The following LDLRAD3 variants were observed in gnomAD, a reference collection of about 807,000 sequenced individuals.
LDLRAD3 encodes the protein low-density lipoprotein receptor class A domain-containing protein 3.
A neutral mutation model predicts 29.4 loss-of-function variants in LDLRAD3; 20 were observed. That is an observed-to-expected ratio of 0.68 (90% CI 0.48 to 0.99). LDLRAD3 has a LOEUF of 0.99. LDLRAD3 is among the 50% of genes least tolerant of loss of function. LDLRAD3 has a pLI of 0.00. For synonymous variants in LDLRAD3, 157 were observed against 192.7 expected (o/e 0.81, Z 1.53); for missense variants, 420 against 454.3 (o/e 0.92, Z 0.69).
At chr11:36,097,926 G>A (rs534564161) in intron 3 of LDLRAD3, among the ~76,000 whole-genome samples, 2 of 152,300 alleles carry the variant, frequency 1.3e-5, no homozygotes, top group East Asian at 1.9e-4. Flanking sequence ...GGAGCCAAAG[G>A]CATCCCTGTA....
intron 4 of LDLRAD3, among the ~76,000 whole-genome samples, chr11:36,163,829 A>T (rs1854478296): frequency 6.6e-6 from 1 of 152,216 alleles, no homozygotes; most frequent in East Asian, 1.9e-4. Flanking sequence ...TATATAATGG[A>T]AATATACATA....
intron 4 of LDLRAD3, among the ~76,000 whole-genome samples, chr11:36,157,395 A>T (rs1374023141): frequency 6.6e-6 from 1 of 152,240 alleles, no homozygotes; most frequent in East Asian, 1.9e-4. Context: ...GAGGGAGTTA[A>T]TTGAAGAGTT....
intron 4 of LDLRAD3, among the ~76,000 whole-genome samples, chr11:36,122,810 G>A (rs61480313): frequency 0.026 from 3,948 of 152,090 alleles, 176 homozygotes; most frequent in African/African-American, 0.088. Flanking sequence ...CTTAAGCCCA[G>A]GAGTTCAATA....
rs1467158438 is a variant in LDLRAD3 at position 36,036,147 on chromosome 11, A to G, written c.91A>G (p.Ile31Val). Reference sequence around the variant, plus strand: ...GAACAACTTCACCAATGAGTGCAACATACCAGGCAACTTCATGTGCAGCAA... The same window carrying G: ...GAACAACTTCACCAATGAGTGCAACGTACCAGGCAACTTCATGTGCAGCAA... ...PGNNFTNECN[I>V]PGNFMCSNGR... The change falls in exon 2 of 6, where the codon ATA becomes GTA. Residue 31 changes from isoleucine to valine, a missense_variant. Transcript: ENST00000315571. 3.7e-6 allele frequency: 6 copies of G among 1,614,184 alleles called. No individual in the cohort carries two copies. The South Asian group carries it at 5.5e-5, about 15-fold the overall frequency.
chr11:36,051,748 C>A (rs1852531399), intron 2 of LDLRAD3, among the ~76,000 whole-genome samples: 1 of 149,696 alleles, frequency 6.7e-6, no homozygotes, highest in African/African-American at 2.5e-5. Context: ...CATGGTGCTG[C>A]CAAACAAAAA....
chr11:36,172,727 G>C (rs1422648261), intron 4 of LDLRAD3, among the ~76,000 whole-genome samples: 2 of 152,118 alleles, frequency 1.3e-5, no homozygotes, highest in Admixed American at 6.5e-5. Flanking sequence ...GATTCAGTTA[G>C]CTATCATTTT....
At chr11:35,990,002 AGT>A (rs1851667425) in intron 1 of LDLRAD3, among the ~76,000 whole-genome samples, 1 of 152,088 alleles carries the variant, frequency 6.6e-6, no homozygotes, top group Non-Finnish European at 1.5e-5. Context: ...CCTCTTAGCT[AGT>A]AGTTTGGGCT....
intron 2 of LDLRAD3, among the ~76,000 whole-genome samples, chr11:36,043,304 C>T (rs1337897344): frequency 2.0e-5 from 3 of 152,136 alleles, no homozygotes; most frequent in Non-Finnish European, 2.9e-5. Context: ...AGAGTGAGAC[C>T]GTATCTCAAA....
At chr11:36,218,449 G>A (rs1011545777) in intron 4 of LDLRAD3, among the ~76,000 whole-genome samples, 3 of 152,220 alleles carry the variant, frequency 2.0e-5, no homozygotes, top group African/African-American at 7.2e-5. Context: ...TCAGACTTGT[G>A]GGAGTATTGC....
intron 1 of LDLRAD3, chr11:35,997,289 T>G: frequency 5.0e-6 from 2 of 398,538 alleles, no homozygotes; most frequent in East Asian, 6.8e-5. Flanking sequence ...CAGGATCTCT[T>G]TAGTGGTTTC....
chr11:36,182,159 GA>G (rs1299893708), intron 4 of LDLRAD3, among the ~76,000 whole-genome samples: 1 of 152,162 alleles, frequency 6.6e-6, no homozygotes, highest in Admixed American at 6.5e-5. Flanking sequence ...GAAGTGAGGA[GA>G]ATGAAGGTAA....
At chr11:36,180,806 G>A (rs1174632052) in intron 4 of LDLRAD3, among the ~76,000 whole-genome samples, 1 of 152,132 alleles carries the variant, frequency 6.6e-6, no homozygotes, top group African/African-American at 2.4e-5. Context: ...TGTGCCAATT[G>A]GTGTGGTAAG....
At position 36,036,375 on chromosome 11, in the gene LDLRAD3, C is replaced by A. The variant is rs1565176620; in HGVS notation, c.193+126C>A. 3.0e-6 allele frequency: 3 copies of A among 1,016,126 alleles called. No individual in the cohort carries two copies. The East Asian group carries it at 7.7e-5, about 26-fold the overall frequency. 62.9% of individuals were successfully genotyped at this position (1,016,126 alleles called of 1,614,324 possible). Reference sequence around the variant, plus strand: ...CAAGCTGGTGGTTTTGTGCCTCTTGCCAGCAGTCCTGCTTCTTTGCTGTAT... The same window carrying A: ...CAAGCTGGTGGTTTTGTGCCTCTTGACAGCAGTCCTGCTTCTTTGCTGTAT... On this transcript the variant is annotated intron_variant, in intron 2 of 5. Coordinates refer to ENST00000315571, the MANE Select transcript of LDLRAD3 (RefSeq NM_174902.4).
intron 1 of LDLRAD3, among the ~76,000 whole-genome samples, chr11:35,995,114 C>T (rs531118489): frequency 1.3e-5 from 2 of 152,284 alleles, no homozygotes; most frequent in East Asian, 3.9e-4. Context: ...TGAATCCTTT[C>T]CAGAAGGTTT....
At chr11:36,144,891 G>T (rs1854154752) in intron 4 of LDLRAD3, among the ~76,000 whole-genome samples, 1 of 110,892 alleles carries the variant, frequency 9.0e-6, no homozygotes, top group African/African-American at 3.2e-5. Context: ...CGCCCCGTCC[G>T]GGAGGTGAGG....
At chr11:36,112,777 G>A (rs1321775170) in intron 4 of LDLRAD3, among the ~76,000 whole-genome samples, 1 of 152,230 alleles carries the variant, frequency 6.6e-6, no homozygotes, top group African/African-American at 2.4e-5. Context: ...CTAGAGGCCA[G>A]CCCAAGAGGC....
intron 4 of LDLRAD3, among the ~76,000 whole-genome samples, chr11:36,128,937 A>C (rs7106469): frequency 0.79 from 120,190 of 151,888 alleles, 47,840 homozygotes; most frequent in East Asian, 0.99. Flanking sequence ...GTAGAGAGAC[A>C]CTGGCTGGGA....
At chr11:36,160,341 T>G (rs984682792) in intron 4 of LDLRAD3, among the ~76,000 whole-genome samples, 1 of 152,122 alleles carries the variant, frequency 6.6e-6, no homozygotes, top group African/African-American at 2.4e-5. Flanking sequence ...GCCAGCGTGA[T>G]TTCCCAGCCA....
At chr11:35,973,654 A>C (rs575380888) in intron 1 of LDLRAD3, among the ~76,000 whole-genome samples, 2 of 151,930 alleles carry the variant, frequency 1.3e-5, no homozygotes, top group African/African-American at 4.8e-5. Context: ...TTTTTTTAGT[A>C]GAAGTGAGGT....
Sources: gnomAD v4.1 joint callset for allele counts (sites outside exome capture counted in the v4.1 genomes callset) on GRCh38, gnomAD v4.1.1 for gene constraint, MANE v1.5 for transcripts, NCBI Gene and HGNC (gene_info 2026-07-23, HGNC 2026-07-21) for gene names.